The following ZNF728 variants were observed in gnomAD, a reference collection of about 807,000 sequenced individuals.
ZNF728 encodes zinc finger protein 728.
A neutral mutation model predicts 12.5 loss-of-function variants in ZNF728; 12 were observed. That is an observed-to-expected ratio of 0.96 (90% CI 0.61 to 1.55). The LOEUF is 1.55. Ranked by LOEUF, ZNF728 falls within the 40% of genes most tolerant of loss-of-function variation. ZNF728 has a pLI of 0.00. For synonymous variants in ZNF728, 205 were observed against 240.7 expected (o/e 0.85, Z 1.37); for missense variants, 692 against 719.2 (o/e 0.96, Z 0.43).
intron 1 of ZNF728, among the ~76,000 whole-genome samples, chr19:22,992,829 T>C (rs763792579): frequency 1.2e-4 from 19 of 152,156 alleles, no homozygotes; most frequent in Non-Finnish European, 2.6e-4. Flanking sequence ...GTCTCAAAGA[T>C]TCAGAGGTGA....
chr19:22,997,563 C>T (rs898101064), intron 1 of ZNF728, among the ~76,000 whole-genome samples: 4 of 152,082 alleles, frequency 2.6e-5, no homozygotes, highest in African/African-American at 9.6e-5. Context: ...AAAGTTAGAT[C>T]TCAGTTTAAC....
At chr19:22,982,170 CAA>C (rs1281743510) in intron 3 of ZNF728, among the ~76,000 whole-genome samples, 5 of 152,216 alleles carry the variant, frequency 3.3e-5, no homozygotes, top group Non-Finnish European at 7.3e-5. Flanking sequence ...GCAACTTCAG[CAA>C]AGTCTCAGGA....
chr19:22,978,526 C>A (rs1328061940), intron 3 of ZNF728, among the ~76,000 whole-genome samples: 1 of 152,200 alleles, frequency 6.6e-6, no homozygotes, highest in Non-Finnish European at 1.5e-5. Context: ...CAGACTGCCA[C>A]CTCAAGTGGG....
At chr19:22,984,105 G>A (rs1021536157) in intron 3 of ZNF728, among the ~76,000 whole-genome samples, 14 of 152,054 alleles carry the variant, frequency 9.2e-5, no homozygotes, top group East Asian at 3.9e-4. Flanking sequence ...CCTCAACATC[G>A]GGATATACAC....
chr19:22,976,006 A>G lies in ZNF728; in HGVS notation c.1331T>C (p.Val444Ala), dbSNP rs1968792653. 6.2e-7 allele frequency: 1 copy of G among 1,610,126 alleles called. No homozygotes were observed. The highest frequency in any genetic ancestry group is 1.3e-5 in the African/African-American group (1 of 74,174). Reference protein sequence around the residue: ...TTFSSLTKHKVIHTGEKHYKC... With the variant: ...TTFSSLTKHKAIHTGEKHYKC... Reference sequence around the variant, plus strand: ...GTAGTGTTTCTCTCCAGTATGAATTACTTTATGTTTAGTAAGGCTCGAAAA... The same window carrying G: ...GTAGTGTTTCTCTCCAGTATGAATTGCTTTATGTTTAGTAAGGCTCGAAAA... The change falls in exon 4 of 4, where the codon GTA becomes GCA. Residue 444 changes from valine to alanine, a missense_variant. Physicochemically the swap from Val to Ala is moderately conservative, Grantham distance 64 (BLOSUM62 0). Coordinates refer to ENST00000594710, the MANE Select transcript of ZNF728 (RefSeq NM_001267716.2).
At chr19:22,981,425 T>C (rs188160718) in intron 3 of ZNF728, among the ~76,000 whole-genome samples, 2 of 152,304 alleles carry the variant, frequency 1.3e-5, no homozygotes, top group East Asian at 3.9e-4. Context: ...ACCTGATGGA[T>C]TCACAGCTGA....
At chr19:22,979,814 G>T (rs289314) in intron 3 of ZNF728, among the ~76,000 whole-genome samples, 46,474 of 151,470 alleles carry the variant, frequency 0.31, 9,214 homozygotes, top group African/African-American at 0.57. Flanking sequence ...CAAATGCTGA[G>T]ATTTTGTCAC....
chr19:22,997,966 CACA>C (rs1389359743), intron 1 of ZNF728, among the ~76,000 whole-genome samples: 2 of 151,792 alleles, frequency 1.3e-5, no homozygotes, highest in Admixed American at 6.6e-5. Flanking sequence ...AAAGAAAAAC[CACA>C]ACAAGAAATC....
Position 22,975,528 on chromosome 19 carries a change from T to C in ZNF728, c.1809A>G (p.Gln603=), listed in dbSNP as rs1274636560. The C allele has an allele frequency of 1.9e-5, 30 of 1,569,436 alleles. No homozygotes were observed. Among genetic ancestry groups the C allele is most frequent in the African/African-American group, 2.7e-5 (2 of 73,268 alleles). Residue 603 remains glutamine, a synonymous_variant, in exon 4 of 4, where the codon CAA becomes CAG. Transcript: ENST00000594710. ...TCTTATGAGTAGTAAGGTGTGAGGATTGGTTGAAGTCTTTACCACATTCTT... is the reference window on the plus strand; with the variant it reads ...TCTTATGAGTAGTAAGGTGTGAGGACTGGTTGAAGTCTTTACCACATTCTT... ...KCEECGKDFN[Q]SSHLTTHKRI... is the part of the protein sequence containing the mutation.
At chr19:22,996,997 A>G (rs1366205976) in intron 1 of ZNF728, among the ~76,000 whole-genome samples, 6 of 152,210 alleles carry the variant, frequency 3.9e-5, no homozygotes, top group African/African-American at 1.4e-4. Context: ...CCATGGGTTC[A>G]CATGAATAAA....
chr19:22,977,015 G>A lies in ZNF728; in HGVS notation c.322C>T (p.His108Tyr), dbSNP rs764117214. Residue 108 changes from histidine (H) to tyrosine (Y), a missense_variant, in exon 4 of 4, where the codon CAT becomes TAT. Transcript: ENST00000594710. ...CCAATTTTTAACTGTAAATTCTCAT[G>A]TCCACATTTTTCATATCTTCTCAAT... ...VILRRYEKCG[H>Y]ENLQLKIGCT... is the part of the protein sequence containing the mutation. 2 of 1,613,298 alleles carry A rather than the reference G, an allele frequency of 1.2e-6. No homozygotes were observed. Among genetic ancestry groups the A allele is most frequent in the Non-Finnish European group, 1.7e-6 (2 of 1,179,722 alleles).
chr19:22,993,519 C>T (rs577388274), intron 1 of ZNF728, among the ~76,000 whole-genome samples: 2 of 152,166 alleles, frequency 1.3e-5, no homozygotes, highest in South Asian at 4.1e-4. Flanking sequence ...TTGGGTCAAG[C>T]TTAAGGATTT....
chr19:23,000,865 C>CAAAAAAAAAAAAAAAAAAAA (rs879559395), intron 1 of ZNF728, among the ~76,000 whole-genome samples: 1 of 32,594 alleles, frequency 3.1e-5, no homozygotes, highest in Non-Finnish European at 7.2e-5. Flanking sequence ...AAAACACTGT[C>CAAAAAAAAAAAAAAAAAAAA]AAAAAAAAAA....
intron 1 of ZNF728, among the ~76,000 whole-genome samples, chr19:22,994,418 C>T (rs775983726): frequency 2.0e-5 from 3 of 152,162 alleles, no homozygotes; most frequent in Non-Finnish European, 2.9e-5. Context: ...TCTTCAGCCC[C>T]AGAGGAACTG....
intron 1 of ZNF728, 135 bp downstream of exon 1, chr19:23,002,893 G>T: frequency 2.5e-6 from 3 of 1,200,480 alleles, no homozygotes; most frequent in Non-Finnish European, 3.5e-6. Flanking sequence ...GACTGAGGTC[G>T]AGCTAGGCAA....
chr19:23,003,087 T>G lies in ZNF728; in HGVS notation c.-57A>C. 6.5e-7 allele frequency: 1 copy of G among 1,547,086 alleles called. No homozygotes were observed. Among genetic ancestry groups the G allele is most frequent in the Non-Finnish European group, 8.7e-7 (1 of 1,147,676 alleles). The stretch of plus-strand genomic sequence containing the variant: ...TTGTGAATCTCCCAATACCTGCAGG[T>G]CACAGGGCCATAGAAGCTGGGCCTT... On this transcript the variant is annotated 5_prime_UTR_variant, in exon 1 of 4. The change abolishes the stop of an existing upstream ORF in the 5' untranslated region. Coordinates refer to ENST00000594710, the MANE Select transcript of ZNF728 (RefSeq NM_001267716.2).
intron 1 of ZNF728, among the ~76,000 whole-genome samples, chr19:23,002,412 A>G (rs904507822): frequency 1.3e-4 from 20 of 152,186 alleles, no homozygotes; most frequent in African/African-American, 4.3e-4. Flanking sequence ...CTCTGATTAC[A>G]TAACCAAGAA....
intron 3 of ZNF728, among the ~76,000 whole-genome samples, chr19:22,982,368 A>G (rs1193353793): frequency 6.6e-6 from 1 of 152,224 alleles, no homozygotes; most frequent in Non-Finnish European, 1.5e-5. Flanking sequence ...ATAAGAGAGG[A>G]CACAAACAAA....
At chr19:23,002,375 T>A (rs1043724241) in intron 1 of ZNF728, among the ~76,000 whole-genome samples, 3 of 152,198 alleles carry the variant, frequency 2.0e-5, no homozygotes, top group African/African-American at 7.2e-5. Flanking sequence ...AAATTCAGGC[T>A]TAACAAACTA....
Sources: gnomAD v4.1 joint callset for allele counts (sites outside exome capture counted in the v4.1 genomes callset) on GRCh38, gnomAD v4.1.1 for gene constraint, MANE v1.5 for transcripts, NCBI Gene and HGNC (gene_info 2026-07-23, HGNC 2026-07-21) for gene names.